BBX: variants seen among roughly 807,000 people sequenced by gnomAD.
BBX encodes BBX high mobility group box domain containing.
In BBX, 30 loss-of-function variants were observed where a neutral mutation model predicts 100.2. The ratio of observed to expected loss-of-function variants is 0.30; its 90% CI spans 0.22 to 0.41. The LOEUF is 0.41. Among genes scored for constraint, BBX ranks in the 10% least tolerant of loss-of-function variants. The pLI is 1.00. For synonymous variants in BBX, 376 were observed against 388.1 expected, an observed-to-expected ratio of 0.97 and a Z score of 0.37; for missense variants, 1,023 against 1,129.8, an observed-to-expected ratio of 0.91 and a Z score of 1.35.
intron 3 of BBX, among the ~76,000 whole-genome samples, chr3:107,649,243 G>A (rs573803202): frequency 5.9e-5 from 9 of 152,138 alleles, no homozygotes; most frequent in Non-Finnish European, 1.2e-4. Flanking sequence ...GGATTAGTAC[G>A]ATTTAAGATG....
intron 3 of BBX, chr3:107,662,065 G>A (rs1190433244): frequency 3.5e-5 from 8 of 226,548 alleles, no homozygotes; most frequent in African/African-American, 4.7e-5. Flanking sequence ...ACTCTTGTCA[G>A]TGGTTCTTGC....
intron 3 of BBX, among the ~76,000 whole-genome samples, chr3:107,673,631 A>C (rs911388653): frequency 2.0e-5 from 3 of 152,084 alleles, no homozygotes; most frequent in Non-Finnish European, 4.4e-5. Flanking sequence ...CCTTACAATA[A>C]AGTTTTCTGT....
Position 107,652,431 on chromosome 3 carries a change from T to C in BBX, c.-10+6522T>C, listed in dbSNP as rs139183195. On this transcript the variant is annotated intron_variant, in intron 3 of 17. Transcript: ENST00000325805. Reference sequence around the variant, plus strand: ...AAGGATATGCTATTCAGCAGTGATATAATTTTAATCAGTTTGTCAGTGTAA... The same window carrying C: ...AAGGATATGCTATTCAGCAGTGATACAATTTTAATCAGTTTGTCAGTGTAA... 5.7e-3 allele frequency among the ~76,000 whole-genome samples: 830 copies of C among 146,856 alleles called. 7 individuals are homozygous for C. The highest frequency in any genetic ancestry group is 0.02 in the African/African-American group (791 of 39,316).
chr3:107,731,101 C>A (rs1174590709), intron 6 of BBX, among the ~76,000 whole-genome samples: 1 of 152,118 alleles, frequency 6.6e-6, no homozygotes, highest in Non-Finnish European at 1.5e-5. Context: ...CATTTAATTG[C>A]ACTAAAGAAA....
rs534273334 is a variant in BBX, at chr3:107,784,566, AAAG to A, written c.2204-5218_2204-5216del. Among the ~76,000 whole-genome samples the A allele has an allele frequency of 2.0e-3, 299 of 152,114 alleles. 1 individual carries two copies. Among genetic ancestry groups the A allele is most frequent in the African/African-American group, 6.8e-3 (281 of 41,572 alleles). On this transcript the variant is annotated intron_variant, in intron 13 of 17. Transcript: ENST00000325805. ...ACTTCTACATAACTGTCACATCAAA[AAAG>A]AAATCAAAGAGAAATCAGAAAGTAC... is the stretch of plus-strand genomic sequence containing the variant.
chr3:107,632,889 A>G lies in BBX; in HGVS notation c.-83-12947A>G, dbSNP rs1000237869. ...AATCCCTTGTTAAATGATTCTGACAAATCCTTTTGCTCTTTTACAATTAGT... is the reference window on the plus strand; with the variant it reads ...AATCCCTTGTTAAATGATTCTGACAGATCCTTTTGCTCTTTTACAATTAGT... On this transcript the variant is annotated intron_variant, in intron 2 of 17. Transcript: ENST00000325805. Among the ~76,000 whole-genome samples the G allele has an allele frequency of 3.3e-5, 5 of 152,210 alleles. No individual in the cohort carries two copies. The East Asian group carries it at 9.6e-4, about 29-fold the overall frequency.
intron 2 of BBX, among the ~76,000 whole-genome samples, chr3:107,545,029 T>A (rs73202936): frequency 0.13 from 19,719 of 150,884 alleles, 1,497 homozygotes; most frequent in Middle Eastern, 0.19. Context: ...AAAAAAAAAA[T>A]TTTTTAAAAA....
chr3:107,790,073 T>C (rs183766168), intron 14 of BBX, among the ~76,000 whole-genome samples, 197 bp downstream of exon 14: 1 of 152,296 alleles, frequency 6.6e-6, no homozygotes, highest in African/African-American at 2.4e-5. Flanking sequence ...GGATTGCTGT[T>C]CAAATCCATA....
chr3:107,791,388 G>T, intron 15 of BBX, 89 bp downstream of exon 15: 1 of 1,111,024 alleles, frequency 9.0e-7, no homozygotes, highest in South Asian at 1.4e-5. Context: ...AATTTATATA[G>T]GTTTAAACAA....
intron 2 of BBX, among the ~76,000 whole-genome samples, chr3:107,635,687 A>G (rs1025040077): frequency 6.6e-6 from 1 of 151,998 alleles, no homozygotes. Flanking sequence ...TCTTTTCAGG[A>G]AGTATATATG....
At chr3:107,703,999 TG>T (rs1225030772) in intron 3 of BBX, among the ~76,000 whole-genome samples, 5 of 152,194 alleles carry the variant, frequency 3.3e-5, no homozygotes, top group African/African-American at 1.2e-4. Flanking sequence ...TGAAGAGCTT[TG>T]TATTATAGCT....
intron 3 of BBX, among the ~76,000 whole-genome samples, chr3:107,670,145 A>G (rs1410247505): frequency 6.6e-6 from 1 of 152,158 alleles, no homozygotes; most frequent in Non-Finnish European, 1.5e-5. Flanking sequence ...AATGCACTTT[A>G]AATTGAGAGA....
At chr3:107,627,958 A>G (rs1210359942) in intron 2 of BBX, among the ~76,000 whole-genome samples, 3 of 152,064 alleles carry the variant, frequency 2.0e-5, no homozygotes, top group Non-Finnish European at 4.4e-5. Flanking sequence ...TAAGGGAACT[A>G]TAATACTGGA....
chr3:107,640,170 T>C (rs2057103666), intron 2 of BBX, among the ~76,000 whole-genome samples: 2 of 152,194 alleles, frequency 1.3e-5, no homozygotes, highest in Non-Finnish European at 2.9e-5. Context: ...GGCCCACAAT[T>C]GCAGGGTAGT....
intron 2 of BBX, among the ~76,000 whole-genome samples, chr3:107,564,103 CT>C (rs369978550): frequency 1.0e-3 from 156 of 151,648 alleles, no homozygotes; most frequent in African/African-American, 3.7e-3. Flanking sequence ...AAAATAGTAT[CT>C]TGTTTTAATT....
In BBX at chr3:107,573,734, C is replaced by CT. The variant is rs113465217; in HGVS notation, c.-84+47345dup. On this transcript the variant is annotated intron_variant, in intron 2 of 17. Transcript: ENST00000325805. Reference sequence around the variant, plus strand: ...CAGTCCTAATTTAAAATCTCTCTCTCTTTTTTTTTGAGGTAAGGTTTCGCT... The same window carrying CT: ...CAGTCCTAATTTAAAATCTCTCTCTCTTTTTTTTTTGAGGTAAGGTTTCGCT... 6.6e-4 allele frequency among the ~76,000 whole-genome samples: 100 copies of CT among 151,392 alleles called. 1 individual carries two copies. The highest frequency in any genetic ancestry group is 2.1e-3 in the African/African-American group (88 of 41,370).
intron 9 of BBX, among the ~76,000 whole-genome samples, chr3:107,750,506 T>C (rs76456100): frequency 0.01 from 1,561 of 152,302 alleles, 18 homozygotes; most frequent in African/African-American, 0.035. Flanking sequence ...CTCAGCAAGT[T>C]AAATTATTGT....
chr3:107,650,627 T>G (rs2057787013), intron 3 of BBX, among the ~76,000 whole-genome samples: 3 of 152,224 alleles, frequency 2.0e-5, no homozygotes, highest in South Asian at 4.1e-4. Context: ...ATGGTTTTTT[T>G]GGGCCTGGAT....
At position 107,621,421 on chromosome 3, in the gene BBX, A is replaced by G. The variant is rs75803440; in HGVS notation, c.-83-24415A>G. ...TTATATATAATGTCCAGTATTTAAA[A>G]TTCTACCTCATGGATATGCACATGT... is the stretch of plus-strand genomic sequence containing the variant. On this transcript the variant is annotated intron_variant, in intron 2 of 17. Transcript: ENST00000325805. Among the ~76,000 whole-genome samples the G allele has an allele frequency of 7.8e-4, 119 of 152,362 alleles. 2 individuals are homozygous for G. The East Asian group carries it at 0.023, about 29-fold the overall frequency.
Sources: allele counts gnomAD v4.1 joint callset (sites outside exome capture counted in the v4.1 genomes callset), GRCh38; gene constraint gnomAD v4.1.1; transcripts MANE v1.5; gene names NCBI Gene and HGNC (gene_info 2026-07-23, HGNC 2026-07-21).